ERCC2: variants seen among roughly 807,000 people sequenced by gnomAD.
ERCC2 encodes general transcription and DNA repair factor IIH helicase subunit XPD.
A neutral mutation model predicts 99.4 loss-of-function variants in ERCC2; 90 were observed. The observed-to-expected ratio is 0.91, with a 90% confidence interval of 0.76 to 1.08. The LOEUF is 1.08. ERCC2 is among the 50% of genes least tolerant of loss of function. The pLI, the probability that ERCC2 is intolerant of heterozygous loss-of-function variation, is 0.00. For missense variants in ERCC2, 993 were observed against 1,038.1 expected, an observed-to-expected ratio of 0.96 and a Z score of 0.60; for synonymous variants, 497 against 432.4, an observed-to-expected ratio of 1.15 and a Z score of -1.85.
chr19:45,364,500 G>A lies in ERCC2; in HGVS notation c.642C>T (p.Asp214=), dbSNP rs747557257. 2 of 1,613,946 alleles carry A rather than the reference G, an allele frequency of 1.2e-6. No individual in the cohort carries two copies. Among genetic ancestry groups the A allele is most frequent in the Admixed American group, 1.7e-5 (1 of 60,012 alleles). The change falls in exon 8 of 23, where the codon GAC becomes GAT. Residue 214 remains aspartate, a synonymous_variant. Transcript: ENST00000391945. ...TGGACACCAGGTCTGCAATCTTGGG[G>A]TCCAGGAGGTAGTGGTAGCTATAAA... The part of the protein sequence containing the change: ...VVVYSYHYLL[D]PKIADLVSKE...
Position 45,364,350 on chromosome 19 carries a change from GC to G in ERCC2, c.719-20del. 1 of 1,613,910 alleles carries G rather than the reference GC, an allele frequency of 6.2e-7. No individual in the cohort carries two copies. The highest frequency in any genetic ancestry group is 8.5e-7 in the Non-Finnish European group (1 of 1,179,978). ...ACGTTGTCTGGAGAAGGGGGAGAGA[GC>G]CGGCTCAGGCAGGCCTGCAGGGGCC... On this transcript the variant is annotated intron_variant, in intron 8 of 22. Coordinates refer to ENST00000391945, the MANE Select transcript of ERCC2 (RefSeq NM_000400.4).
At position 45,357,301 on chromosome 19, in the gene ERCC2, ATGG is replaced by A; in HGVS notation, c.1445_1447del (p.Thr482del). 1 of 1,614,020 alleles carries A rather than the reference ATGG, an allele frequency of 6.2e-7. No individual in the cohort carries two copies. The highest frequency in any genetic ancestry group is 2.2e-5 in the East Asian group (1 of 44,872). On this transcript the variant is annotated inframe_deletion, in exon 15 of 23. Transcript: ENST00000391945. Reference sequence around the variant, plus strand: ...GCAGAGGCAGACCCGTGCCAGCGTCATGGTGAAGGTTGCCATGGTGACGGGGTG... The same window carrying A: ...GCAGAGGCAGACCCGTGCCAGCGTCATGAAGGTTGCCATGGTGACGGGGTG...
At chr19:45,369,294 C>A in intron 2 of ERCC2, 147 bp from the exon 3 acceptor site, 1 of 706,296 alleles carries the variant, frequency 1.4e-6, no homozygotes, top group South Asian at 1.6e-5. Context: ...TGGGTTTGAA[C>A]CTCACTTCTG....
rs1480085465 is a variant in ERCC2, at chr19:45,350,614, T to G, written c.*1015A>C. The G allele has an allele frequency of 5.0e-6, 8 of 1,612,846 alleles. No individual in the cohort carries two copies. Among genetic ancestry groups the G allele is most frequent in the Admixed American group, 1.7e-5 (1 of 59,984 alleles). ...TGGGGACTGCATGGGCCTGGGGGAC[T>G]GAGCAGCATCCCCGGCCCCTCCCCA... is the stretch of plus-strand genomic sequence containing the variant. On this transcript the variant is annotated 3_prime_UTR_variant, in exon 23 of 23. Coordinates refer to ENST00000391945, the MANE Select transcript of ERCC2 (RefSeq NM_000400.4).
rs781486330 is a variant in ERCC2, at chr19:45,350,363, A to C, written c.*1266T>G. On this transcript the variant is annotated 3_prime_UTR_variant, in exon 23 of 23. Coordinates refer to ENST00000391945, the MANE Select transcript of ERCC2 (RefSeq NM_000400.4). ...CAGGCCTCAGCCTACCTGAAACAGA[A>C]CAAGTATCAACAAGCGGAAGAGCTG... is the stretch of plus-strand genomic sequence containing the variant. The C allele has an allele frequency of 6.2e-7, 1 of 1,613,344 alleles. No homozygotes were observed. The highest frequency in any genetic ancestry group is 1.3e-5 in the African/African-American group (1 of 74,742).
In ERCC2 at chr19:45,369,154, G is replaced by A. The variant is rs746915182; in HGVS notation, c.106-7C>T. The A allele has an allele frequency of 1.8e-5, 29 of 1,613,546 alleles. 2 individuals are homozygous for A. The South Asian group carries it at 3.2e-4, about 18-fold the overall frequency. ...TCTCCAGGACTCCATGACCCTGCAT[G>A]TTGGGGACCAGAGGGGCAACACACA... On this transcript the variant is annotated splice_region_variant and splice_polypyrimidine_tract_variant and intron_variant, in intron 2 of 22. Transcript: ENST00000391945.
rs57347599 is a variant in ERCC2 at position 45,363,573 on chromosome 19, A to G, written c.1118+170T>C. Among the ~76,000 whole-genome samples the G allele has an allele frequency of 6.0e-3, 907 of 152,218 alleles. 13 individuals are homozygous for G. Among genetic ancestry groups the G allele is most frequent in the African/African-American group, 0.021 (879 of 41,530 alleles). ...ACGCACGGACCCAGGATCAGCTCCA[A>G]CCTTGCTCCCGGACCTCCCAGGTCA... is the stretch of plus-strand genomic sequence containing the variant. On this transcript the variant is annotated intron_variant, in intron 11 of 22. Coordinates refer to ENST00000391945, the MANE Select transcript of ERCC2 (RefSeq NM_000400.4).
At position 45,350,766 on chromosome 19, in the gene ERCC2, G is replaced by A. The variant is rs367981132; in HGVS notation, c.*863C>T. ...CAGCCGGGTGAGTGTTGATCAGGTC[G>A]GCAAAGAGCCCTGACATCAGCAGAA... On this transcript the variant is annotated 3_prime_UTR_variant, in exon 23 of 23. Transcript: ENST00000391945. The A allele has an allele frequency of 3.1e-4, 495 of 1,596,416 alleles. No individual in the cohort carries two copies. Among genetic ancestry groups the A allele is most frequent in the Non-Finnish European group, 3.7e-4 (428 of 1,170,860 alleles).
chr19:45,370,420 TCCCAC>T (rs1972568673), intron 1 of ERCC2, 111 bp downstream of exon 1: 1 of 1,440,882 alleles, frequency 6.9e-7, no homozygotes, highest in Admixed American at 2.2e-5. Flanking sequence ...GCTGCCCCCG[TCCCAC>T]CCCTTCACCC....
At position 45,351,187 on chromosome 19, in the gene ERCC2, G is replaced by C. The variant is rs1483972960; in HGVS notation, c.*442C>G. Reference sequence around the variant, plus strand: ...GTTTTACTTGGGGTAGAGGCGAGGGGGTTGGATAGTTGGCTGCCAGGCTGG... The same window carrying C: ...GTTTTACTTGGGGTAGAGGCGAGGGCGTTGGATAGTTGGCTGCCAGGCTGG... On this transcript the variant is annotated 3_prime_UTR_variant, in exon 23 of 23. Transcript: ENST00000391945. The C allele has an allele frequency of 6.3e-7, 1 of 1,585,772 alleles. No individual in the cohort carries two copies.
chr19:45,362,411 C>T (rs1972256524), intron 11 of ERCC2, among the ~76,000 whole-genome samples: 1 of 152,218 alleles, frequency 6.6e-6, no homozygotes, highest in African/African-American at 2.4e-5. Flanking sequence ...GCAGTCAACA[C>T]CCACATCCCA....
Position 45,350,830 on chromosome 19 carries a change from G to T in ERCC2, c.*799C>A. 2.4e-6 allele frequency: 2 copies of T among 839,682 alleles called. No individual in the cohort carries two copies. Among genetic ancestry groups the T allele is most frequent in the South Asian group, 1.4e-5 (1 of 69,978 alleles). 52.0% of individuals were successfully genotyped at this position (839,682 alleles called of 1,614,324 possible). On this transcript the variant is annotated 3_prime_UTR_variant, in exon 23 of 23. Coordinates refer to ENST00000391945, the MANE Select transcript of ERCC2 (RefSeq NM_000400.4). ...CCACCCCCACCCCCATCTTGCTCAA[G>T]AACCTTCCATGGCTCCCATCTCCCC...
At chr19:45,357,052 A>G (rs915146806) in intron 15 of ERCC2, among the ~76,000 whole-genome samples, 1 of 152,144 alleles carries the variant, frequency 6.6e-6, no homozygotes, top group Non-Finnish European at 1.5e-5. Flanking sequence ...ACCCTGGGAG[A>G]TCAGGGAGGA....
Position 45,363,956 on chromosome 19 carries a change from A to T in ERCC2, c.949+30T>A, listed in dbSNP as rs1468479613. On this transcript the variant is annotated intron_variant, in intron 10 of 22. Transcript: ENST00000391945. The stretch of plus-strand genomic sequence containing the variant: ...GCGGCGACGGGGAGGCGGGAAAGGG[A>T]CTGGGGGGCAGCGGGGGGTCGGGGC... 2.0e-6 allele frequency: 3 copies of T among 1,495,264 alleles called. No homozygotes were observed. In the South Asian group the frequency reaches 3.6e-5, roughly 18 times the overall value. 92.6% of individuals were successfully genotyped at this position (1,495,264 alleles called of 1,614,324 possible).
In ERCC2 at chr19:45,350,675, G is replaced by A. The variant is rs375060034; in HGVS notation, c.*954C>T. 31 of 1,613,696 alleles carry A rather than the reference G, an allele frequency of 1.9e-5. No homozygotes were observed. The highest frequency in any genetic ancestry group is 1.6e-4 in the Middle Eastern group (1 of 6,064). On this transcript the variant is annotated 3_prime_UTR_variant, in exon 23 of 23. Coordinates refer to ENST00000391945, the MANE Select transcript of ERCC2 (RefSeq NM_000400.4). ...CGCAGCAGCTCACTCTCCAAGATCCGTGAGTCTATCAGGCGAGGAAGTGAG... is the reference window on the plus strand; with the variant it reads ...CGCAGCAGCTCACTCTCCAAGATCCATGAGTCTATCAGGCGAGGAAGTGAG...
intron 15 of ERCC2, 73 bp from the exon 16 acceptor site, chr19:45,355,801 G>T: frequency 8.6e-7 from 1 of 1,159,932 alleles, no homozygotes; most frequent in Non-Finnish European, 1.3e-6. Flanking sequence ...CCACCTGCTG[G>T]TGCTGTTCTA....
Position 45,350,572 on chromosome 19 carries a change from G to T in ERCC2, c.*1057C>A. Reference sequence around the variant, plus strand: ...AACAGGTGAGGATGGGCTGTGCTTCGGCTCCTGGGGTGGGCGTGGGGACTG... The same window carrying T: ...AACAGGTGAGGATGGGCTGTGCTTCTGCTCCTGGGGTGGGCGTGGGGACTG... On this transcript the variant is annotated 3_prime_UTR_variant, in exon 23 of 23. Coordinates refer to ENST00000391945, the MANE Select transcript of ERCC2 (RefSeq NM_000400.4). The T allele has an allele frequency of 6.2e-7, 1 of 1,613,868 alleles. No homozygotes were observed. The highest frequency in any genetic ancestry group is 8.5e-7 in the Non-Finnish European group (1 of 1,179,944).
Position 45,350,524 on chromosome 19 carries a change from C to G in ERCC2, c.*1105G>C, listed in dbSNP as rs1315292792. On this transcript the variant is annotated 3_prime_UTR_variant, in exon 23 of 23. Coordinates refer to ENST00000391945, the MANE Select transcript of ERCC2 (RefSeq NM_000400.4). ...CATCTTTCCCCCTAGGTGCCCCCAA[C>G]ACAGGCACAGCTGGTGACGCAGAAC... 6.2e-7 allele frequency: 1 copy of G among 1,613,960 alleles called. No homozygotes were observed. The highest frequency in any genetic ancestry group is 1.7e-5 in the Admixed American group (1 of 60,010).
At chr19:45,353,507 T>TTC (rs1971902499) in intron 17 of ERCC2, among the ~76,000 whole-genome samples, 173 bp from the exon 18 acceptor site, 1 of 152,110 alleles carries the variant, frequency 6.6e-6, no homozygotes, top group Non-Finnish European at 1.5e-5. Context: ...GAAACAGTGA[T>TTC]CTGGGTGGGG....
Sources: gnomAD v4.1 joint callset for allele counts (sites outside exome capture counted in the v4.1 genomes callset) on GRCh38, gnomAD v4.1.1 for gene constraint, MANE v1.5 for transcripts, NCBI Gene and HGNC (gene_info 2026-07-23, HGNC 2026-07-21) for gene names.